The following SLC7A14 variants were observed in gnomAD, a reference collection of about 807,000 sequenced individuals.
SLC7A14 encodes gamma-aminobutyric acid transporter SLC7A14.
SLC7A14 carries 37 observed loss-of-function variants against 60.2 expected under a neutral mutation model. The ratio of observed to expected loss-of-function variants is 0.61; its 90% CI spans 0.47 to 0.81. The LOEUF (loss-of-function observed/expected upper bound fraction) is 0.81. Among genes scored for constraint, SLC7A14 ranks in the 30% least tolerant of loss-of-function variants. SLC7A14 has a pLI of 0.00. For missense variants in SLC7A14, 886 were observed against 982.7 expected (o/e 0.90, Z 1.32); for synonymous variants, 399 against 395.8 (o/e 1.01, Z -0.10).
rs544302409 is a variant in SLC7A14 at position 170,576,638 on chromosome 3, C to T, written c.-153+9273G>A. On this transcript the variant is annotated intron_variant, in intron 1 of 7. Transcript: ENST00000231706. ...CCTGTGGGTGGAGATGAAAAGTAAA[C>T]GCTCTCTGTCTGCATCAATTGGAGA... Among the ~76,000 whole-genome samples, 9 of 152,326 alleles carry T rather than the reference C, an allele frequency of 5.9e-5. No homozygotes were observed. In the South Asian group the frequency reaches 1.0e-3, roughly 18 times the overall value.
chr3:170,494,773 A>G (rs1240605870), intron 4 of SLC7A14, among the ~76,000 whole-genome samples: 2 of 152,266 alleles, frequency 1.3e-5, no homozygotes, highest in African/African-American at 2.4e-5. Context: ...ACTATTTTCT[A>G]TCTCTTAATG....
intron 3 of SLC7A14, 71 bp from the exon 4 acceptor site, chr3:170,498,955 C>G: frequency 7.0e-7 from 1 of 1,433,918 alleles, no homozygotes; most frequent in Non-Finnish European, 9.7e-7. Flanking sequence ...TGGTCCTACC[C>G]CACTGCATCC....
At chr3:170,552,146 C>G (rs1423298740) in intron 1 of SLC7A14, among the ~76,000 whole-genome samples, 3 of 152,024 alleles carry the variant, frequency 2.0e-5, no homozygotes, top group Admixed American at 2.0e-4. Context: ...CTAGTGGACT[C>G]AGCACCATTT....
At chr3:170,533,450 C>G (rs1425861063) in intron 1 of SLC7A14, among the ~76,000 whole-genome samples, 2 of 152,206 alleles carry the variant, frequency 1.3e-5, no homozygotes, top group Admixed American at 1.3e-4. Context: ...TTGATAGCAA[C>G]TAACATATAT....
chr3:170,552,118 T>G (rs1714369743), intron 1 of SLC7A14, among the ~76,000 whole-genome samples: 1 of 152,200 alleles, frequency 6.6e-6, no homozygotes, highest in Admixed American at 6.5e-5. Context: ...CCACCTTCAT[T>G]CTTTATCATG....
In SLC7A14 at chr3:170,480,698, A is replaced by C; in HGVS notation, c.1584T>G (p.Ile528Met). The change falls in exon 7 of 8, where the codon ATT becomes ATG. Residue 528 changes from isoleucine to methionine, a missense_variant. Transcript: ENST00000231706. ...TCAGCTTCTTTAACTTGATGAGATA[A>C]ATATTTTCGGATTCATCAGCTTCTA... Reference protein sequence around the residue: ...TGIEADESENIYLIKLKKLIG... With the variant: ...TGIEADESENMYLIKLKKLIG... The C allele has an allele frequency of 6.2e-7, 1 of 1,614,196 alleles. No homozygotes were observed. Among genetic ancestry groups the C allele is most frequent in the Non-Finnish European group, 8.5e-7 (1 of 1,180,030 alleles).
Position 170,460,480 on chromosome 3 carries a change from G to C in SLC7A14, c.*6575C>G, listed in dbSNP as rs906559076. The C allele has an allele frequency of 6.6e-6, 1 of 152,094 alleles. No individual in the cohort carries two copies. Among genetic ancestry groups the C allele is most frequent in the South Asian group, 2.1e-4 (1 of 4,828 alleles). The allele number at this position is 152,094 out of a possible 1,614,324, so 9.4% of individuals were successfully genotyped here. On this transcript the variant is annotated 3_prime_UTR_variant, in exon 8 of 8. Transcript: ENST00000231706. Reference sequence around the variant, plus strand: ...GAAAGTGGGGGTTTATGATTTCTAGGGTAAATCCTCGCCTTTGGGAGTGTG... The same window carrying C: ...GAAAGTGGGGGTTTATGATTTCTAGCGTAAATCCTCGCCTTTGGGAGTGTG...
At chr3:170,538,861 C>G (rs2108299034) in intron 1 of SLC7A14, among the ~76,000 whole-genome samples, 1 of 152,338 alleles carries the variant, frequency 6.6e-6, no homozygotes, top group African/African-American at 2.4e-5. Context: ...CTGTTTTCCT[C>G]ACCTTTTTCT....
chr3:170,479,046 TG>T (rs1337443539), intron 7 of SLC7A14, among the ~76,000 whole-genome samples: 1 of 152,112 alleles, frequency 6.6e-6, no homozygotes, highest in Non-Finnish European at 1.5e-5. Context: ...TGCTTGAACC[TG>T]GTTGGCGGAG....
At chr3:170,548,822 A>G (rs1714251342) in intron 1 of SLC7A14, among the ~76,000 whole-genome samples, 1 of 152,202 alleles carries the variant, frequency 6.6e-6, no homozygotes, top group South Asian at 2.1e-4. Flanking sequence ...TGTCACCACT[A>G]TAAACTTTTA....
intron 1 of SLC7A14, among the ~76,000 whole-genome samples, chr3:170,563,725 A>C (rs1039111978): frequency 1.3e-5 from 2 of 152,106 alleles, no homozygotes; most frequent in Non-Finnish European, 2.9e-5. Context: ...CCGGCCCAAC[A>C]AACACTGGTC....
intron 1 of SLC7A14, among the ~76,000 whole-genome samples, chr3:170,538,700 T>C (rs1713921294): frequency 6.6e-6 from 1 of 152,142 alleles, no homozygotes; most frequent in South Asian, 2.1e-4. Flanking sequence ...GTGTGCAAAA[T>C]GTAGAGGCAA....
intron 1 of SLC7A14, among the ~76,000 whole-genome samples, chr3:170,581,032 A>C (rs571224242): frequency 8.5e-5 from 13 of 152,282 alleles, no homozygotes; most frequent in African/African-American, 2.9e-4. Flanking sequence ...TTTGGGAGTA[A>C]ATGTTAGCCA....
At chr3:170,546,184 A>G (rs1438143986) in intron 1 of SLC7A14, among the ~76,000 whole-genome samples, 1 of 152,260 alleles carries the variant, frequency 6.6e-6, no homozygotes, top group Non-Finnish European at 1.5e-5. Flanking sequence ...AGACTCACCC[A>G]GCTCTCAGAC....
At chr3:170,523,599 T>C (rs1217878787) in intron 2 of SLC7A14, among the ~76,000 whole-genome samples, 4 of 152,196 alleles carry the variant, frequency 2.6e-5, no homozygotes, top group Non-Finnish European at 5.9e-5. Flanking sequence ...CAACTTTCTC[T>C]TTACTTCATT....
chr3:170,496,007 A>T, intron 4 of SLC7A14: 1 of 1,156,722 alleles, frequency 8.6e-7, no homozygotes, highest in Non-Finnish European at 1.3e-6. Flanking sequence ...CGGAGAATGA[A>T]TTTGTCCTCA....
At position 170,486,300 on chromosome 3, in the gene SLC7A14, C is replaced by G; in HGVS notation, c.828G>C (p.Glu276Asp). ...TGGACGTGTTGGGATTCTTGGCTTC[C>G]TCTCCAGTGGTGGCGATGATGTCAA... ...IGFDIIATTGEEAKNPNTSIP... is the reference protein window; with the variant it reads ...IGFDIIATTGDEAKNPNTSIP... Residue 276 changes from glutamate (E) to aspartate (D), a missense_variant, in exon 5 of 8, where the codon GAG (glutamate) becomes GAC (aspartate). Physicochemically the swap from Glu to Asp is conservative, Grantham distance 45. Coordinates refer to ENST00000231706, the MANE Select transcript of SLC7A14 (RefSeq NM_020949.3). 1 of 1,614,214 alleles carries G rather than the reference C, an allele frequency of 6.2e-7. No homozygotes were observed. Among genetic ancestry groups the G allele is most frequent in the Non-Finnish European group, 8.5e-7 (1 of 1,180,040 alleles).
At chr3:170,469,643 C>T (rs79453391) in intron 7 of SLC7A14, among the ~76,000 whole-genome samples, 3,523 of 152,172 alleles carry the variant, frequency 0.023, 120 homozygotes, top group East Asian at 0.073. Flanking sequence ...GGATTTCAGG[C>T]GACCAGGCAG....
In SLC7A14 at chr3:170,465,950, C is replaced by G. The variant is rs917310374; in HGVS notation, c.*1105G>C. On this transcript the variant is annotated 3_prime_UTR_variant, in exon 8 of 8. Transcript: ENST00000231706. ...TGGGAAATAACAGGAAAAAAAAATA[C>G]ACCTCTGAAAGTGAGCTAGCCCCAA... 6.6e-6 allele frequency: 1 copy of G among 152,064 alleles called. No individual in the cohort carries two copies. The highest frequency in any genetic ancestry group is 1.5e-5 in the Non-Finnish European group (1 of 68,014). The allele number at this position is 152,064 out of a possible 1,614,324, so 9.4% of individuals were successfully genotyped here.
Sources: allele counts gnomAD v4.1 joint callset (sites outside exome capture counted in the v4.1 genomes callset), GRCh38; gene constraint gnomAD v4.1.1; transcripts MANE v1.5; gene names NCBI Gene and HGNC (gene_info 2026-07-23, HGNC 2026-07-21).